PRR5L: variants seen among roughly 807,000 people sequenced by gnomAD.
PRR5L encodes the protein proline-rich protein 5-like.
In PRR5L, 21 loss-of-function variants were observed where a neutral mutation model predicts 36.4. The ratio of observed to expected loss-of-function variants is 0.58; its 90% CI spans 0.41 to 0.83. PRR5L has a LOEUF of 0.83. Among genes scored for constraint, PRR5L ranks in the 40% least tolerant of loss-of-function variants. The pLI is 0.00. For missense variants in PRR5L, 381 were observed against 473.3 expected, an observed-to-expected ratio of 0.80 and a Z score of 1.81; for synonymous variants, 188 against 197.0, an observed-to-expected ratio of 0.95 and a Z score of 0.38.
At chr11:36,433,503 A>G (rs1399440741) in intron 5 of PRR5L, among the ~76,000 whole-genome samples, 1 of 152,166 alleles carries the variant, frequency 6.6e-6, no homozygotes, top group East Asian at 1.9e-4. Context: ...TGTCAAAGGA[A>G]GGGGCTTATT....
intron 2 of PRR5L, 109 bp downstream of exon 2, chr11:36,401,394 A>T: frequency 9.4e-7 from 1 of 1,059,426 alleles, no homozygotes; most frequent in Non-Finnish European, 1.4e-6. Context: ...GGCCGTGATT[A>T]TGGGGGTAAA....
At chr11:36,370,456 T>C (rs1857186007) in intron 1 of PRR5L, among the ~76,000 whole-genome samples, 1 of 152,234 alleles carries the variant, frequency 6.6e-6, no homozygotes, top group Non-Finnish European at 1.5e-5. Flanking sequence ...TTCTGCTCTT[T>C]GGTGTTAGAA....
chr11:36,349,416 C>A (rs1174244668), intron 1 of PRR5L, among the ~76,000 whole-genome samples: 1 of 152,098 alleles, frequency 6.6e-6, no homozygotes, highest in Non-Finnish European at 1.5e-5. Flanking sequence ...ACAGGCTGAT[C>A]ATTCACCTGG....
At chr11:36,305,232 A>G (rs775569933) in intron 1 of PRR5L, among the ~76,000 whole-genome samples, 1 of 152,236 alleles carries the variant, frequency 6.6e-6, no homozygotes, top group Non-Finnish European at 1.5e-5. Flanking sequence ...TCCAACATGG[A>G]TGACCTTTGA....
chr11:36,459,039 A>G lies in PRR5L; in HGVS notation c.713-3303A>G, dbSNP rs1859123537. Among the ~76,000 whole-genome samples, 3 of 152,176 alleles carry G rather than the reference A, an allele frequency of 2.0e-5. No homozygotes were observed. In the South Asian group the frequency reaches 6.2e-4, roughly 32 times the overall value. ...AGAAAAGGAGGCTGAAAAGAAGAGG[A>G]GGCCCAGAACAGAATCCACCCATCC... On this transcript the variant is annotated intron_variant, in intron 8 of 8. Transcript: ENST00000530639.
At chr11:36,363,686 G>A (rs17615296) in intron 1 of PRR5L, among the ~76,000 whole-genome samples, 43,188 of 152,054 alleles carry the variant, frequency 0.28, 6,893 homozygotes, top group East Asian at 0.66. Flanking sequence ...CTTGACAAAG[G>A]GATCTGGTCC....
At chr11:36,412,561 A>G (rs73447223) in intron 3 of PRR5L, among the ~76,000 whole-genome samples, 2,205 of 152,228 alleles carry the variant, frequency 0.014, 56 homozygotes, top group African/African-American at 0.051. Context: ...AGGAATCGGG[A>G]TTTTCATCTT....
chr11:36,453,589 A>C (rs1454616260), intron 8 of PRR5L, among the ~76,000 whole-genome samples: 2 of 152,162 alleles, frequency 1.3e-5, no homozygotes, highest in African/African-American at 4.8e-5. Flanking sequence ...ATGTGTACTA[A>C]GACCCTGTCC....
rs1859231586 is a variant in PRR5L, at chr11:36,463,336, A to G, written c.*600A>G. ...TTACCCCACTGGTGGGTGAGGATCT[A>G]TCCTCAACCTACATCCAGATCCTAT... On this transcript the variant is annotated 3_prime_UTR_variant, in exon 9 of 9. Coordinates refer to ENST00000530639, the MANE Select transcript of PRR5L (RefSeq NM_001160167.2). 1.3e-5 allele frequency: 2 copies of G among 152,362 alleles called. No individual in the cohort carries two copies. Among genetic ancestry groups the G allele is most frequent in the South Asian group, 2.1e-4 (1 of 4,830 alleles). 9.4% of individuals were successfully genotyped at this position (152,362 alleles called of 1,614,324 possible).
intron 1 of PRR5L, among the ~76,000 whole-genome samples, chr11:36,370,729 A>C (rs1590493245): frequency 1.3e-5 from 2 of 152,136 alleles, no homozygotes; most frequent in Non-Finnish European, 2.9e-5. Context: ...AAAATACAAA[A>C]AATTAGCTGG....
chr11:36,307,751 G>T (rs1856450417), intron 1 of PRR5L, among the ~76,000 whole-genome samples: 1 of 152,124 alleles, frequency 6.6e-6, no homozygotes, highest in African/African-American at 2.4e-5. Flanking sequence ...TCCTTTTCTT[G>T]TATTGCTTAT....
Position 36,347,190 on chromosome 11 carries a change from T to G in PRR5L, c.-126+50752T>G, listed in dbSNP as rs139851623. On this transcript the variant is annotated intron_variant, in intron 1 of 8. Transcript: ENST00000530639. The stretch of plus-strand genomic sequence containing the variant: ...TATTCATTTTTTCTTTATTCATTTC[T>G]GTTTTCTTTGATTTGAAATGAAACA... Among the ~76,000 whole-genome samples the G allele has an allele frequency of 3.3e-5, 5 of 152,346 alleles. No homozygotes were observed. The East Asian group carries it at 9.6e-4, about 29-fold the overall frequency.
intron 1 of PRR5L, among the ~76,000 whole-genome samples, chr11:36,389,608 C>G (rs982919456): frequency 1.8e-5 from 2 of 113,936 alleles, no homozygotes; most frequent in African/African-American, 6.9e-5. Flanking sequence ...TGGTGAAGCC[C>G]CATGTATTTT....
intron 3 of PRR5L, among the ~76,000 whole-genome samples, chr11:36,418,866 A>C (rs1269973125): frequency 6.6e-6 from 1 of 152,206 alleles, no homozygotes; most frequent in African/African-American, 2.4e-5. Context: ...TAGTTGAAGA[A>C]TGTATGAAAA....
intron 1 of PRR5L, among the ~76,000 whole-genome samples, chr11:36,311,480 T>C (rs1856502214): frequency 6.6e-6 from 1 of 152,186 alleles, no homozygotes; most frequent in Non-Finnish European, 1.5e-5. Flanking sequence ...CTGGGTTGAA[T>C]TTTATATCAT....
At chr11:36,349,365 T>C (rs558721913) in intron 1 of PRR5L, among the ~76,000 whole-genome samples, 18 of 151,038 alleles carry the variant, frequency 1.2e-4, no homozygotes, top group South Asian at 4.2e-4. Context: ...AAAAATTCCA[T>C]AGGAGCTTGT....
At position 36,446,292 on chromosome 11, in the gene PRR5L, C is replaced by T. The variant is rs1387304877; in HGVS notation, c.445-8C>T. ...ACCTCCCGGCCCTCTCTCCTCTGTC[C>T]CCTCTAGGGCCAGGAGCTGACTATC... is the stretch of plus-strand genomic sequence containing the variant. On this transcript the variant is annotated splice_polypyrimidine_tract_variant and splice_region_variant and intron_variant, in intron 6 of 8. Coordinates refer to ENST00000530639, the MANE Select transcript of PRR5L (RefSeq NM_001160167.2). The T allele has an allele frequency of 4.3e-6, 7 of 1,613,004 alleles. No homozygotes were observed. Among genetic ancestry groups the T allele is most frequent in the South Asian group, 1.1e-5 (1 of 91,080 alleles).
At chr11:36,359,141 T>C (rs1207473676) in intron 1 of PRR5L, among the ~76,000 whole-genome samples, 1 of 152,224 alleles carries the variant, frequency 6.6e-6, no homozygotes, top group African/African-American at 2.4e-5. Flanking sequence ...ATAAGTCACT[T>C]CATGTCGCTG....
chr11:36,353,511 G>A lies in PRR5L; in HGVS notation c.-125-47486G>A, dbSNP rs1488750791. ...CAGGTGCTGTCATAGTCTTTAGGGA[G>A]ACAGGAATGAACGGGTTGGATTCTA... On this transcript the variant is annotated intron_variant, in intron 1 of 8. Coordinates refer to ENST00000530639, the MANE Select transcript of PRR5L (RefSeq NM_001160167.2). Among the ~76,000 whole-genome samples, 4 of 152,302 alleles carry A rather than the reference G, an allele frequency of 2.6e-5. No individual in the cohort carries two copies. In the South Asian group the frequency reaches 6.2e-4, roughly 24 times the overall value.
Sources: allele counts gnomAD v4.1 joint callset (sites outside exome capture counted in the v4.1 genomes callset), GRCh38; gene constraint gnomAD v4.1.1; transcripts MANE v1.5; gene names NCBI Gene and HGNC (gene_info 2026-07-23, HGNC 2026-07-21).